CCDC171: variants seen among roughly 807,000 people sequenced by gnomAD.
CCDC171 encodes the protein coiled-coil domain containing 171, also known as coiled-coil domain-containing protein 171.
Under a neutral mutation model 168.2 loss-of-function variants are expected in CCDC171, and 177 were observed. That is an observed-to-expected ratio of 1.05 (90% CI 0.93 to 1.19). The LOEUF (loss-of-function observed/expected upper bound fraction) is 1.19. Ranked by LOEUF, CCDC171 falls within the 50% of genes most tolerant of loss-of-function variation. The probability of loss-of-function intolerance (pLI) is 0.00; values close to 1 mark genes in which losing one functional copy is unlikely to be tolerated. For synonymous variants in CCDC171, 687 were observed against 540.8 expected (o/e 1.27, Z -3.75); for missense variants, 1,991 against 1,539.0 (o/e 1.29, Z -4.91).
intron 3 of CCDC171, among the ~76,000 whole-genome samples, chr9:15,981,673 G>C (rs1190110732): frequency 2.0e-5 from 3 of 152,108 alleles, no homozygotes; most frequent in East Asian, 1.9e-4. Context: ...TTTTAAAGTA[G>C]GCCAGAAAAA....
chr9:15,771,666 T>C lies in CCDC171; in HGVS notation c.2672-5934T>C, dbSNP rs543166205. ...ATTATTAATCATTTATTTCTGTTTT[T>C]TGTTATGGTAAGTTACTGAGAAAGG... On this transcript the variant is annotated intron_variant, in intron 18 of 25. Transcript: ENST00000380701. Among the ~76,000 whole-genome samples, 11 of 152,340 alleles carry C rather than the reference T, an allele frequency of 7.2e-5. No individual in the cohort carries two copies. In the South Asian group the frequency reaches 2.3e-3, roughly 32 times the overall value.
At chr9:15,724,221 T>G (rs1186228068) in intron 13 of CCDC171, among the ~76,000 whole-genome samples, 1 of 152,210 alleles carries the variant, frequency 6.6e-6, no homozygotes, top group East Asian at 1.9e-4. Context: ...GTACTACATC[T>G]TTGCAAAATT....
chr9:16,029,445 G>C (rs1268583212), intron 6 of CCDC171, among the ~76,000 whole-genome samples: 1 of 152,202 alleles, frequency 6.6e-6, no homozygotes, highest in African/African-American at 2.4e-5. Context: ...ATGCTTGGAG[G>C]GCTGTGCTGA....
At chr9:15,822,777 T>C (rs10962173) in intron 21 of CCDC171, among the ~76,000 whole-genome samples, 73,108 of 151,842 alleles carry the variant, frequency 0.48, 18,052 homozygotes, top group African/African-American at 0.58. Flanking sequence ...GTCAGTGTGG[T>C]GATTCCTCAG....
At chr9:16,093,218 A>G in the CCDC171 span, among the ~76,000 whole-genome samples, 1 of 152,236 alleles carries the variant, frequency 6.6e-6, no homozygotes, top group African/African-American at 2.4e-5. Context: ...CAAATACGGA[A>G]AACTCAACCG....
Position 15,777,666 on chromosome 9 carries a change from T to C in CCDC171, c.2738T>C (p.Met913Thr), listed in dbSNP as rs1192944471. The C allele has an allele frequency of 1.9e-6, 3 of 1,613,918 alleles. No individual in the cohort carries two copies. Among genetic ancestry groups the C allele is most frequent in the East Asian group, 2.2e-5 (1 of 44,888 alleles). Residue 913 changes from methionine (M) to threonine (T), a missense_variant, in exon 19 of 26, where the codon ATG becomes ACG. Coordinates refer to ENST00000380701, the MANE Select transcript of CCDC171 (RefSeq NM_173550.4). Reference protein sequence around the residue: ...GAAKNSFAKLMDKISLVMECI... With the variant: ...GAAKNSFAKLTDKISLVMECI... ...GCCAAGAATTCTTTTGCAAAACTCA[T>C]GGATAAAATTAGTCTGGTAATGGAA...
intron 7 of CCDC171, among the ~76,000 whole-genome samples, chr9:15,628,563 G>A (rs2132219283): frequency 6.6e-6 from 1 of 152,338 alleles, no homozygotes; most frequent in South Asian, 2.1e-4. Context: ...AGCTCAAGGA[G>A]GCCTGCCTGC....
intron 25 of CCDC171, among the ~76,000 whole-genome samples, chr9:15,936,251 A>T (rs1479741070): frequency 6.6e-6 from 1 of 151,946 alleles, no homozygotes; most frequent in Non-Finnish European, 1.5e-5. Flanking sequence ...AATTTGGGTG[A>T]ATTCATTTGA....
At chr9:15,992,581 A>G (rs1376645219) in intron 3 of CCDC171, among the ~76,000 whole-genome samples, 5 of 152,186 alleles carry the variant, frequency 3.3e-5, no homozygotes, top group Non-Finnish European at 7.3e-5. Flanking sequence ...ATGCTGTTGG[A>G]AGTTCTGGCC....
Position 15,744,476 on chromosome 9 carries a change from G to A in CCDC171, c.2253G>A (p.Gln751=), listed in dbSNP as rs2134645851. 6.2e-7 allele frequency: 1 copy of A among 1,614,170 alleles called. No individual in the cohort carries two copies. Among genetic ancestry groups the A allele is most frequent in the Non-Finnish European group, 8.5e-7 (1 of 1,180,018 alleles). Residue 751 remains glutamine, a synonymous_variant, in exon 17 of 26, where the codon CAG becomes CAA. Coordinates refer to ENST00000380701, the MANE Select transcript of CCDC171 (RefSeq NM_173550.4). ...LYSRSCALST[Q]RDFLQEQVNT... is the part of the protein sequence containing the mutation. ...GCCGATCATGCGCCTTGTCTACACA[G>A]AGAGATTTTCTCCAGGAGCAGGTCA...
chr9:15,585,309 A>G (rs1015853370), intron 4 of CCDC171, among the ~76,000 whole-genome samples: 2 of 152,224 alleles, frequency 1.3e-5, no homozygotes, highest in African/African-American at 4.8e-5. Flanking sequence ...TAGCAACTCC[A>G]TTCATGGTGG....
At chr9:15,743,235 G>C (rs1428243922) in intron 16 of CCDC171, among the ~76,000 whole-genome samples, 1 of 136,378 alleles carries the variant, frequency 7.3e-6, no homozygotes, top group East Asian at 2.4e-4. Context: ...GCATAATCAT[G>C]GCTCACTGCA....
chr9:15,994,503 G>A (rs547655285), intron 3 of CCDC171, among the ~76,000 whole-genome samples: 2 of 152,164 alleles, frequency 1.3e-5, no homozygotes, highest in Non-Finnish European at 2.9e-5. Flanking sequence ...GTTAATGGGT[G>A]CAACATGCCA....
rs531069463 is a variant in CCDC171, at chr9:15,662,869, T to C, written c.916-3294T>C. Among the ~76,000 whole-genome samples the C allele has an allele frequency of 3.3e-5, 5 of 152,130 alleles. No individual in the cohort carries two copies. In the South Asian group the frequency reaches 6.2e-4, roughly 19 times the overall value. ...GGTGGCAGGCACCTGTAATCCCAGC[T>C]ACTCAGGAGGCTGAGGCAGGGGAAT... On this transcript the variant is annotated intron_variant, in intron 8 of 25. Transcript: ENST00000380701.
intron 25 of CCDC171, among the ~76,000 whole-genome samples, chr9:15,930,624 T>C (rs1358401255): frequency 6.6e-6 from 1 of 151,628 alleles, no homozygotes; most frequent in Non-Finnish European, 1.5e-5. Context: ...TAAAATGAAC[T>C]CTACTTAGGC....
intron 4 of CCDC171, among the ~76,000 whole-genome samples, chr9:15,585,977 A>G (rs904734344): frequency 2.1e-4 from 32 of 152,318 alleles, no homozygotes; most frequent in Non-Finnish European, 4.3e-4. Context: ...CTCTGTCTCA[A>G]AAAAACAAAA....
chr9:15,803,307 G>C (rs139490601), intron 21 of CCDC171, among the ~76,000 whole-genome samples: 8,687 of 151,630 alleles, frequency 0.057, 417 homozygotes, highest in South Asian at 0.22. Context: ...ATTGCTTTTG[G>C]TGTTTTTGTC....
In CCDC171 at chr9:15,777,704, C is replaced by T; in HGVS notation, c.2776C>T (p.His926Tyr). 6.2e-7 allele frequency: 1 copy of T among 1,613,634 alleles called. No individual in the cohort carries two copies. Among genetic ancestry groups the T allele is most frequent in the Non-Finnish European group, 8.5e-7 (1 of 1,179,650 alleles). Residue 926 changes from histidine (H) to tyrosine (Y), a missense_variant, in exon 19 of 26, where the codon CAC becomes TAC. Transcript: ENST00000380701. ...ISLVMECIPLHSSRSITYVEK... is the reference protein window; with the variant it reads ...ISLVMECIPLYSSRSITYVEK... The stretch of plus-strand genomic sequence containing the variant: ...TCTGGTAATGGAATGTATACCTCTG[C>T]ACAGTAGCAGGAGTATTACATATGT...
chr9:15,562,607 A>G (rs904624816), intron 1 of CCDC171, among the ~76,000 whole-genome samples: 1 of 152,158 alleles, frequency 6.6e-6, no homozygotes, highest in South Asian at 2.1e-4. Context: ...TCTGCCCAAT[A>G]TACGAAAACA....
Sources: allele counts gnomAD v4.1 joint callset (sites outside exome capture counted in the v4.1 genomes callset), GRCh38; gene constraint gnomAD v4.1.1; transcripts MANE v1.5; gene names NCBI Gene and HGNC (gene_info 2026-07-23, HGNC 2026-07-21).